The following CEP164 variants were observed in gnomAD, a reference collection of about 807,000 sequenced individuals.
CEP164 encodes centrosomal protein 164.
CEP164 carries 162 observed loss-of-function variants against 182.7 expected under a neutral mutation model. The ratio of observed to expected loss-of-function variants is 0.89; its 90% CI spans 0.78 to 1.01. CEP164 has a LOEUF of 1.01. Ranked by LOEUF, CEP164 falls within the 50% of genes least tolerant of loss-of-function variation. CEP164 has a pLI of 0.00. For synonymous variants in CEP164, 661 were observed against 690.0 expected, an observed-to-expected ratio of 0.96 and a Z score of 0.66; for missense variants, 1,735 against 1,790.4, an observed-to-expected ratio of 0.97 and a Z score of 0.56.
At chr11:117,353,887 G>T (rs1284858526) in intron 5 of CEP164, among the ~76,000 whole-genome samples, 1 of 152,120 alleles carries the variant, frequency 6.6e-6, no homozygotes, top group African/African-American at 2.4e-5. Flanking sequence ...TGGTTCCTTT[G>T]GTAGACAATG....
rs2047291362 is a variant in CEP164 at position 117,411,003 on chromosome 11, C to T, written c.4163+109C>T. 1 of 1,005,420 alleles carries T rather than the reference C, an allele frequency of 9.9e-7. No homozygotes were observed. Among genetic ancestry groups the T allele is most frequent in the Non-Finnish European group, 1.5e-6 (1 of 666,782 alleles). The allele number at this position is 1,005,420 out of a possible 1,614,324, so 62.3% of individuals were successfully genotyped here. On this transcript the variant is annotated intron_variant, in intron 31 of 32. Transcript: ENST00000278935. This position sits in a 1 kb window ranked among gnomAD's most constrained non-coding sequence, Gnocchi z 4.4. ...GGGAGCAGACCTCCTGGTCTTACCC[C>T]AAGAAATCAGGCAGGCCTCTAGTCC...
chr11:117,379,352 T>C (rs1384156929), intron 11 of CEP164, among the ~76,000 whole-genome samples: 1 of 152,044 alleles, frequency 6.6e-6, no homozygotes, highest in Non-Finnish European at 1.5e-5. Context: ...TGGAGAGGTA[T>C]GGGGGCTGTG....
At chr11:117,374,719 G>A (rs371681946) in intron 10 of CEP164, among the ~76,000 whole-genome samples, 6 of 152,348 alleles carry the variant, frequency 3.9e-5, no homozygotes, top group African/African-American at 9.6e-5. Flanking sequence ...CAGCTCTCTC[G>A]GAAGCAAGGG....
chr11:117,325,376 C>T (rs1258827672), upstream of CEP164, among the ~76,000 whole-genome samples: 1 of 149,798 alleles, frequency 6.7e-6, no homozygotes, highest in African/African-American at 2.5e-5. Flanking sequence ...TGAGCCACCA[C>T]AGCCTGGCCT....
chr11:117,363,349 C>G, intron 7 of CEP164, 80 bp from the exon 8 acceptor site: 1 of 1,008,132 alleles, frequency 9.9e-7, no homozygotes, highest in African/African-American at 1.6e-5. Context: ...AGCAGTGCCC[C>G]ACTTTTCCCT....
chr11:117,355,256 C>G (rs1476219461), intron 5 of CEP164: 4 of 1,289,720 alleles, frequency 3.1e-6, no homozygotes. Flanking sequence ...TCTGGAGAAA[C>G]TCCAGAAGGC....
chr11:117,383,046 C>A, intron 14 of CEP164, 104 bp downstream of exon 14: 1 of 1,339,540 alleles, frequency 7.5e-7, no homozygotes, highest in Non-Finnish European at 1.0e-6. Flanking sequence ...AGGCTCTGGC[C>A]AAGGGTTAGA....
At chr11:117,380,740 C>T in intron 12 of CEP164, 35 bp downstream of exon 12, 2 of 1,553,754 alleles carry the variant, frequency 1.3e-6, no homozygotes, top group African/African-American at 1.4e-5. Flanking sequence ...CAGCGCTGTG[C>T]CTTCAGGGTG....
chr11:117,354,555 G>A lies in CEP164; in HGVS notation c.393+2567G>A, dbSNP rs1056224967. On this transcript the variant is annotated intron_variant, in intron 5 of 32. Transcript: ENST00000278935. ...TGTCACATGCACAATATAGTACCCC[G>A]AGGTACTGAACTTCCCAGGTTCCAT... Among the ~76,000 whole-genome samples the A allele has an allele frequency of 9.2e-5, 14 of 152,114 alleles. No individual in the cohort carries two copies. The South Asian group carries it at 2.7e-3, about 29-fold the overall frequency.
intron 8 of CEP164, among the ~76,000 whole-genome samples, chr11:117,364,437 C>G (rs2041386702): frequency 1.3e-5 from 2 of 152,170 alleles, no homozygotes; most frequent in Admixed American, 6.5e-5. Context: ...TCTTGGAAAT[C>G]ACTTTACCTT....
intron 4 of CEP164, among the ~76,000 whole-genome samples, chr11:117,348,950 T>C (rs2135384927): frequency 6.6e-6 from 1 of 152,366 alleles, no homozygotes; most frequent in South Asian, 2.1e-4. Context: ...GGTGCATCTA[T>C]GTTGTAGCAT....
chr11:117,409,495 G>A lies in CEP164; in HGVS notation c.3749-123G>A. ...ATCCCTGACCCCCTCATAAGGTTGA[G>A]GGGCTGTTGTCTGGAGAAGCAGGGA... On this transcript the variant is annotated intron_variant, in intron 29 of 32. Transcript: ENST00000278935. The surrounding 1 kb of genome is among the most constrained non-coding windows in gnomAD (Gnocchi z 4.4). 1 of 832,222 alleles carries A rather than the reference G, an allele frequency of 1.2e-6. No individual in the cohort carries two copies. Among genetic ancestry groups the A allele is most frequent in the Non-Finnish European group, 1.9e-6 (1 of 521,514 alleles). 51.6% of individuals were successfully genotyped at this position (832,222 alleles called of 1,614,324 possible).
Position 117,409,905 on chromosome 11 carries a change from T to C in CEP164, c.4036T>C (p.Ser1346Pro), listed in dbSNP as rs774024619. The stretch of plus-strand genomic sequence containing the variant: ...TTCAGGGCAGGGGCCCAGGCTCCCC[T>C]CCTCTGTGGCTCAAACGGTGGACGA... Reference protein sequence around the residue: ...WDSGQGPRLPSSVAQTVDDFL... With the variant: ...WDSGQGPRLPPSVAQTVDDFL... The change falls in exon 30 of 33, where the codon TCC becomes CCC. Residue 1346 changes from serine (S) to proline (P), a missense_variant. Coordinates refer to ENST00000278935, the MANE Select transcript of CEP164 (RefSeq NM_014956.5). This position sits in a 1 kb window ranked among gnomAD's most constrained non-coding sequence, Gnocchi z 4.4. The C allele has an allele frequency of 5.6e-6, 9 of 1,606,672 alleles. No homozygotes were observed. In the East Asian group the frequency reaches 6.7e-5, roughly 12 times the overall value.
chr11:117,355,481 A>G (rs1413000559), intron 5 of CEP164: 2 of 1,289,524 alleles, frequency 1.6e-6, no homozygotes, highest in Admixed American at 2.3e-5. Flanking sequence ...GCACAGCCAC[A>G]GCTTAGCCAA....
chr11:117,394,206 C>T lies in CEP164; in HGVS notation c.2617-144C>T, dbSNP rs561555938. 1.1e-4 allele frequency: 120 copies of T among 1,127,082 alleles called. 1 individual carries two copies. The South Asian group carries it at 1.7e-3, about 16-fold the overall frequency. 69.8% of individuals were successfully genotyped at this position (1,127,082 alleles called of 1,614,324 possible). A position where few individuals can be genotyped will look rare whatever the true frequency, so the allele number is the denominator to read the frequency against. ...CAGGGCCGGTGCTGTGCTTGTAACC[C>T]TCCTCTTCTCCAAGAGCTGGCTTTA... On this transcript the variant is annotated intron_variant, in intron 20 of 32. Coordinates refer to ENST00000278935, the MANE Select transcript of CEP164 (RefSeq NM_014956.5). The surrounding 1 kb of genome is among the most constrained non-coding windows in gnomAD (Gnocchi z 4.0).
intron 14 of CEP164, chr11:117,385,302 T>C (rs1264780343): frequency 2.0e-5 from 3 of 152,308 alleles, no homozygotes; most frequent in Admixed American, 6.5e-5. Flanking sequence ...AAATCAGAGC[T>C]GTTTCTTCCC....
At chr11:117,337,816 C>T (rs1397557065) in intron 2 of CEP164, among the ~76,000 whole-genome samples, 1 of 152,200 alleles carries the variant, frequency 6.6e-6, no homozygotes, top group Non-Finnish European at 1.5e-5. Flanking sequence ...CCAGAGCCCT[C>T]AGTGACTCCC....
In CEP164 at chr11:117,382,125, A is replaced by C. The variant is rs531112053; in HGVS notation, c.1577+257A>C. ...TGAAATCAGGGTATGTGGTCTGATTAGAGGAACTTAGAAACTCTTGAATAA... is the reference window on the plus strand; with the variant it reads ...TGAAATCAGGGTATGTGGTCTGATTCGAGGAACTTAGAAACTCTTGAATAA... On this transcript the variant is annotated intron_variant, in intron 13 of 32. Transcript: ENST00000278935. Among the ~76,000 whole-genome samples, 9 of 152,286 alleles carry C rather than the reference A, an allele frequency of 5.9e-5. No individual in the cohort carries two copies. In the South Asian group the frequency reaches 1.7e-3, roughly 28 times the overall value.
intron 8 of CEP164, 63 bp downstream of exon 8, chr11:117,363,569 A>G: frequency 8.4e-7 from 1 of 1,192,696 alleles, no homozygotes; most frequent in Non-Finnish European, 1.2e-6. Context: ...GTTTTTATTA[A>G]GCCCTGCTAC....
Sources: gnomAD v4.1 joint callset for allele counts (sites outside exome capture counted in the v4.1 genomes callset) on GRCh38, gnomAD v4.1.1 for gene constraint, Gnocchi (gnomAD v3.1) non-coding constraint, MANE v1.5 for transcripts, NCBI Gene and HGNC (gene_info 2026-07-23, HGNC 2026-07-21) for gene names.